SLC24A2: variants seen among roughly 807,000 people sequenced by gnomAD.
The protein encoded by SLC24A2 is sodium/potassium/calcium exchanger 2.
In SLC24A2, 36 loss-of-function variants were observed where a neutral mutation model predicts 62.0. That is an observed-to-expected ratio of 0.58 (90% CI 0.44 to 0.77). The LOEUF (loss-of-function observed/expected upper bound fraction) is 0.77. Among genes scored for constraint, SLC24A2 ranks in the 30% least tolerant of loss-of-function variants. The pLI, the probability that SLC24A2 is intolerant of heterozygous loss-of-function variation, is 0.00. For missense variants in SLC24A2, 846 were observed against 817.9 expected, an observed-to-expected ratio of 1.03 and a Z score of -0.42; for synonymous variants, 358 against 294.0, an observed-to-expected ratio of 1.22 and a Z score of -2.23.
At chr9:20,215,249 G>T in the SLC24A2 span, among the ~76,000 whole-genome samples, 7 of 152,126 alleles carry the variant, frequency 4.6e-5, no homozygotes, top group African/African-American at 1.7e-4. Flanking sequence ...AGCTCTGTCT[G>T]CCTCACCGAA....
the SLC24A2 span, chr9:19,926,239 C>G: frequency 6.6e-6 from 1 of 152,240 alleles, no homozygotes. Context: ...GTGGGAGGAA[C>G]GCTGTTGTCT....
the SLC24A2 span, among the ~76,000 whole-genome samples, chr9:19,851,752 C>T: frequency 2.0e-5 from 3 of 152,148 alleles, no homozygotes; most frequent in South Asian, 4.2e-4. Flanking sequence ...GAGGTTGACT[C>T]CATGTCTTTG....
intron 2 of SLC24A2, among the ~76,000 whole-genome samples, chr9:19,734,146 C>A (rs1821425249): frequency 6.6e-6 from 1 of 152,140 alleles, no homozygotes. Flanking sequence ...ATAGGGAATC[C>A]TTTCCCCATT....
chr9:20,104,743 T>A, the SLC24A2 span, among the ~76,000 whole-genome samples: 33 of 152,140 alleles, frequency 2.2e-4, no homozygotes, highest in African/African-American at 6.7e-4. Context: ...CACTGCAAAA[T>A]CATGCCAAAT....
In SLC24A2 at chr9:19,513,928, G is replaced by T. The variant is rs1394519173; in HGVS notation, c.*2225C>A. On this transcript the variant is annotated 3_prime_UTR_variant, in exon 11 of 11. Coordinates refer to ENST00000341998, the MANE Select transcript of SLC24A2 (RefSeq NM_020344.4). The stretch of plus-strand genomic sequence containing the variant: ...GTACAAAGTCCTGACCTTGATGAAT[G>T]AGATTCATTCCCATTAGGTGGCAGG... The T allele has an allele frequency of 6.6e-6, 1 of 152,198 alleles. No homozygotes were observed. The highest frequency in any genetic ancestry group is 2.4e-5 in the African/African-American group (1 of 41,446). The allele number at this position is 152,198 out of a possible 1,614,324, so 9.4% of individuals were successfully genotyped here.
chr9:20,290,025 C>T, the SLC24A2 span, among the ~76,000 whole-genome samples: 24,084 of 152,148 alleles, frequency 0.16, 2,530 homozygotes, highest in East Asian at 0.28. Context: ...TGCCCCAACC[C>T]TGGCTGAGCT....
the SLC24A2 span, among the ~76,000 whole-genome samples, chr9:20,220,022 A>G: frequency 0.07 from 10,680 of 152,220 alleles, 511 homozygotes; most frequent in Middle Eastern, 0.12. Context: ...AACATGCTAT[A>G]TAAGTGTAAT....
chr9:19,603,659 C>A (rs1365481942), intron 4 of SLC24A2, among the ~76,000 whole-genome samples: 2 of 152,164 alleles, frequency 1.3e-5, no homozygotes, highest in Admixed American at 6.5e-5. Flanking sequence ...GCCTAGACTA[C>A]TGCAATGGTC....
At chr9:19,966,412 G>A in the SLC24A2 span, among the ~76,000 whole-genome samples, 1 of 152,102 alleles carries the variant, frequency 6.6e-6, no homozygotes, top group Admixed American at 6.6e-5. Context: ...TTAACAATTA[G>A]CGGGTATGAA....
chr9:19,622,445 G>C (rs1817930795), intron 2 of SLC24A2, 146 bp from the exon 3 acceptor site: 1 of 752,468 alleles, frequency 1.3e-6, no homozygotes, highest in Non-Finnish European at 2.3e-6. Context: ...CAAAACAGGG[G>C]ACTAAGGATG....
At chr9:20,115,673 C>T in the SLC24A2 span, among the ~76,000 whole-genome samples, 1 of 152,236 alleles carries the variant, frequency 6.6e-6, no homozygotes, top group Admixed American at 6.5e-5. Flanking sequence ...ACAAAAGGAT[C>T]TGCCGGTGAA....
At chr9:19,769,740 C>T (rs984688044) in intron 2 of SLC24A2, among the ~76,000 whole-genome samples, 1 of 152,186 alleles carries the variant, frequency 6.6e-6, no homozygotes, top group African/African-American at 2.4e-5. Context: ...ATGTTCCACA[C>T]TCCAAGCCAT....
At chr9:19,700,231 C>T (rs564640613) in intron 2 of SLC24A2, among the ~76,000 whole-genome samples, 138 of 152,134 alleles carry the variant, frequency 9.1e-4, no homozygotes, top group Non-Finnish European at 1.7e-3. Flanking sequence ...GCCTTAGCCT[C>T]ACAATTTGTC....
intron 2 of SLC24A2, among the ~76,000 whole-genome samples, chr9:19,643,462 C>T (rs972236721): frequency 1.3e-5 from 2 of 152,124 alleles, no homozygotes; most frequent in South Asian, 4.1e-4. Context: ...AAAATGGCAG[C>T]AAATTGAGCA....
the SLC24A2 span, among the ~76,000 whole-genome samples, chr9:19,813,078 G>A: frequency 6.6e-6 from 1 of 152,164 alleles, no homozygotes; most frequent in African/African-American, 2.4e-5. Context: ...CCAGCCACAT[G>A]TCAGGCTTAG....
chr9:19,803,697 A>G, the SLC24A2 span, among the ~76,000 whole-genome samples: 1 of 152,220 alleles, frequency 6.6e-6, no homozygotes. Context: ...AGAAGAGATG[A>G]GAAATGAGAT....
chr9:19,906,804 T>C, the SLC24A2 span, among the ~76,000 whole-genome samples: 6 of 152,080 alleles, frequency 3.9e-5, 1 homozygote, highest in Admixed American at 2.6e-4. Flanking sequence ...AATAGACCAA[T>C]AACAGGCTCT....
chr9:19,635,891 C>T (rs1381560040), intron 2 of SLC24A2, among the ~76,000 whole-genome samples: 24 of 152,176 alleles, frequency 1.6e-4, no homozygotes, highest in Admixed American at 1.5e-3. Context: ...GTCATAACAA[C>T]CATGTGTGTA....
intron 2 of SLC24A2, among the ~76,000 whole-genome samples, chr9:19,739,806 C>T (rs1354287591): frequency 6.6e-6 from 1 of 152,064 alleles, no homozygotes; most frequent in Non-Finnish European, 1.5e-5. Context: ...CAGAAAAAGT[C>T]TGATAAATTG....
Sources: gnomAD v4.1 joint callset for allele counts (sites outside exome capture counted in the v4.1 genomes callset) on GRCh38, gnomAD v4.1.1 for gene constraint, MANE v1.5 for transcripts, NCBI Gene and HGNC (gene_info 2026-07-23, HGNC 2026-07-21) for gene names.